POLN: variants seen among roughly 807,000 people sequenced by gnomAD.
POLN encodes the protein DNA polymerase nu, also known as DNA polymerase N.
In POLN, 108 loss-of-function variants were observed where a neutral mutation model predicts 113.5. That is an observed-to-expected ratio of 0.95 (90% CI 0.81 to 1.12). POLN has a LOEUF of 1.12. Ranked by LOEUF, POLN falls within the 50% of genes most tolerant of loss-of-function variation. The probability of loss-of-function intolerance (pLI) is 0.00; values close to 1 mark genes in which losing one functional copy is unlikely to be tolerated. For synonymous variants in POLN, 386 were observed against 391.5 expected (o/e 0.99, Z 0.17); for missense variants, 1,097 against 1,077.1 (o/e 1.02, Z -0.26).
chr4:2,232,062 A>C (rs1372963101), intron 2 of POLN: 4 of 1,590,358 alleles, frequency 2.5e-6, no homozygotes, highest in Non-Finnish European at 3.4e-6. Context: ...TATTTGCCAA[A>C]GTTTTTCTTT....
intron 24 of POLN, 129 bp from the exon 25 acceptor site, chr4:2,073,158 C>T (rs1022244799): frequency 8.5e-6 from 7 of 822,510 alleles, no homozygotes; most frequent in East Asian, 2.7e-5. Flanking sequence ...TGTGTCCACT[C>T]GGTCACCTGA....
chr4:2,225,630 A>C (rs953689115), intron 3 of POLN, among the ~76,000 whole-genome samples: 39 of 152,002 alleles, frequency 2.6e-4, no homozygotes, highest in Non-Finnish European at 4.1e-4. Flanking sequence ...TCTAAAAAAA[A>C]AAACAAACAC....
intron 5 of POLN, among the ~76,000 whole-genome samples, chr4:2,201,072 C>T (rs1733697760): frequency 6.6e-6 from 1 of 151,844 alleles, no homozygotes; most frequent in African/African-American, 2.4e-5. Flanking sequence ...TCGAGACCAT[C>T]CTGGCTAACA....
intron 3 of POLN, among the ~76,000 whole-genome samples, chr4:2,216,811 C>CA (rs1351195465): frequency 2.0e-5 from 3 of 152,188 alleles, no homozygotes; most frequent in Non-Finnish European, 2.9e-5. Flanking sequence ...ACTGGGGACT[C>CA]AGTGTTTGGT....
At chr4:2,103,811 G>T (rs1730985110) in intron 19 of POLN, among the ~76,000 whole-genome samples, 1 of 152,176 alleles carries the variant, frequency 6.6e-6, no homozygotes, top group South Asian at 2.1e-4. Context: ...TATTCAAAGT[G>T]CTGAAAGAAA....
chr4:2,100,176 C>T (rs914182914), intron 19 of POLN, among the ~76,000 whole-genome samples: 4 of 151,766 alleles, frequency 2.6e-5, no homozygotes, highest in Non-Finnish European at 5.9e-5. Flanking sequence ...CATAAAATTG[C>T]AGATAAATAG....
At position 2,174,419 on chromosome 4, in the gene POLN, T is replaced by C. The variant is rs139065224; in HGVS notation, c.1309+272A>G. 2.1e-3 allele frequency among the ~76,000 whole-genome samples: 321 copies of C among 152,222 alleles called. 1 individual carries two copies. The highest frequency in any genetic ancestry group is 7.2e-3 in the African/African-American group (301 of 41,524). On this transcript the variant is annotated intron_variant, in intron 10 of 25. Coordinates refer to ENST00000511885, the MANE Select transcript of POLN (RefSeq NM_181808.4). ...AGAATGAGAGACAACCACTAACACA[T>C]AAAACATCTAGAGAAGCCTACTCCT...
At chr4:2,081,603 A>G (rs1682757791) in intron 22 of POLN, 30 bp downstream of exon 22, 13 of 1,607,206 alleles carry the variant, frequency 8.1e-6, no homozygotes, top group Non-Finnish European at 9.4e-6. Context: ...GCAAATGGAC[A>G]CAGAACTACA....
chr4:2,133,478 T>C (rs949609097), intron 16 of POLN, among the ~76,000 whole-genome samples: 7 of 152,192 alleles, frequency 4.6e-5, no homozygotes, highest in Non-Finnish European at 1.0e-4. Context: ...TGAAATACCA[T>C]TCTGCTATAA....
intron 7 of POLN, among the ~76,000 whole-genome samples, chr4:2,191,318 C>T (rs916816751): frequency 1.3e-5 from 2 of 151,960 alleles, no homozygotes; most frequent in Admixed American, 6.6e-5. Context: ...TTGGTGGTTA[C>T]CAGAGGTCAG....
intron 19 of POLN, among the ~76,000 whole-genome samples, chr4:2,108,170 A>C (rs1485795399): frequency 2.0e-5 from 3 of 152,192 alleles, no homozygotes; most frequent in Admixed American, 2.0e-4. Context: ...TGATGATTCT[A>C]AACACAGGAG....
intron 20 of POLN, among the ~76,000 whole-genome samples, chr4:2,088,188 T>C (rs1730591929): frequency 6.6e-6 from 1 of 152,134 alleles, no homozygotes; most frequent in Admixed American, 6.6e-5. Flanking sequence ...CTCTCAAAGG[T>C]CAGGAATTTT....
chr4:2,136,010 T>A (rs573279198), intron 16 of POLN, among the ~76,000 whole-genome samples: 110 of 152,286 alleles, frequency 7.2e-4, no homozygotes, highest in Middle Eastern at 3.4e-3. Context: ...GGTGAAAGCC[T>A]CAGAACCAGC....
Position 2,170,868 on chromosome 4 carries a change from G to T in POLN, c.1459-94C>A, listed in dbSNP as rs148398918. ...AGAGCCCATGCCAACAGCCAGAGAA[G>T]ACACACCCAAACAGACATTACAACA... On this transcript the variant is annotated intron_variant, in intron 12 of 25. Coordinates refer to ENST00000511885, the MANE Select transcript of POLN (RefSeq NM_181808.4). 147 of 1,156,230 alleles carry T rather than the reference G, an allele frequency of 1.3e-4. No individual in the cohort carries two copies. The African/African-American group carries it at 2.0e-3, about 16-fold the overall frequency. The allele number at this position is 1,156,230 out of a possible 1,614,324, so 71.6% of individuals were successfully genotyped here. A position where few individuals can be genotyped will look rare whatever the true frequency, so the allele number is the denominator to read the frequency against.
At chr4:2,088,716 C>A in intron 20 of POLN, 8 of 1,108,020 alleles carry the variant, frequency 7.2e-6, no homozygotes, top group Non-Finnish European at 9.8e-6. Context: ...TGTTACTATT[C>A]TCTAGTAAAT....
intron 7 of POLN, among the ~76,000 whole-genome samples, chr4:2,191,100 A>T (rs1045557301): frequency 6.6e-5 from 10 of 152,216 alleles, no homozygotes; most frequent in African/African-American, 2.2e-4. Context: ...TAGCCAAAAT[A>T]AGGAATTAAC....
At chr4:2,208,810 T>C (rs1733921083) in intron 4 of POLN, among the ~76,000 whole-genome samples, 1 of 151,960 alleles carries the variant, frequency 6.6e-6, no homozygotes, top group Non-Finnish European at 1.5e-5. Context: ...GCCAACATGG[T>C]GAAACTTCAT....
At chr4:2,212,814 T>C (rs1734024833) in intron 4 of POLN, among the ~76,000 whole-genome samples, 1 of 152,166 alleles carries the variant, frequency 6.6e-6, no homozygotes, top group Admixed American at 6.5e-5. Context: ...AAAACTGAGT[T>C]AGATGTTCCT....
At chr4:2,107,046 T>G (rs1731082930) in intron 19 of POLN, among the ~76,000 whole-genome samples, 1 of 152,096 alleles carries the variant, frequency 6.6e-6, no homozygotes. Flanking sequence ...TGCTATTCTA[T>G]TTTTCACATT....
Sources: gnomAD v4.1 joint callset for allele counts (sites outside exome capture counted in the v4.1 genomes callset) on GRCh38, gnomAD v4.1.1 for gene constraint, MANE v1.5 for transcripts, NCBI Gene and HGNC (gene_info 2026-07-23, HGNC 2026-07-21) for gene names.